The following CORO2B variants were observed in gnomAD, a reference collection of about 807,000 sequenced individuals.
The protein encoded by CORO2B is coronin-2B.
CORO2B carries 26 observed loss-of-function variants against 58.8 expected under a neutral mutation model. The observed-to-expected ratio is 0.44, with a 90% CI of 0.32 to 0.61. CORO2B has a LOEUF of 0.61. Among genes scored for constraint, CORO2B ranks in the 20% least tolerant of loss-of-function variants. The pLI, the probability that CORO2B is intolerant of heterozygous loss-of-function variation, is 0.04. For synonymous variants in CORO2B, 242 were observed against 253.8 expected (o/e 0.95, Z 0.44); for missense variants, 460 against 645.1 (o/e 0.71, Z 3.11).
intron 2 of CORO2B, among the ~76,000 whole-genome samples, chr15:68,694,095 C>G (rs1173481437): frequency 6.6e-6 from 1 of 152,160 alleles, no homozygotes; most frequent in Non-Finnish European, 1.5e-5. Context: ...CTTGGCCTCC[C>G]AAAGTGCTGG....
chr15:68,597,626 TC>T (rs1461970241), intron 1 of CORO2B, among the ~76,000 whole-genome samples: 1 of 122,646 alleles, frequency 8.2e-6, no homozygotes, highest in African/African-American at 3.5e-5. Flanking sequence ...TTCCCCCCCA[TC>T]AAAAAAAAAA....
intron 1 of CORO2B, among the ~76,000 whole-genome samples, chr15:68,586,984 T>G (rs1899575729): frequency 1.3e-5 from 2 of 151,878 alleles, no homozygotes; most frequent in Non-Finnish European, 2.9e-5. Context: ...TTTTTGTTCT[T>G]TAAATCTTTC....
At chr15:68,542,237 TAATC>T in the CORO2B span, among the ~76,000 whole-genome samples, 1 of 152,350 alleles carries the variant, frequency 6.6e-6, no homozygotes, top group African/African-American at 2.4e-5. Context: ...GACCCATCCT[TAATC>T]AATTTCTGAA....
intron 1 of CORO2B, among the ~76,000 whole-genome samples, chr15:68,607,202 T>A (rs184250446): frequency 6.6e-6 from 1 of 152,236 alleles, no homozygotes; most frequent in Admixed American, 6.5e-5. Context: ...TAGGGTGACA[T>A]CTGAGAATCA....
chr15:68,651,651 G>T (rs528810349), intron 2 of CORO2B, among the ~76,000 whole-genome samples: 1 of 152,134 alleles, frequency 6.6e-6, no homozygotes, highest in Non-Finnish European at 1.5e-5. Context: ...ACAGCAGGCC[G>T]CAGAGAATTG....
the CORO2B span, among the ~76,000 whole-genome samples, chr15:68,559,382 A>G: frequency 8.6e-5 from 13 of 151,708 alleles, no homozygotes; most frequent in Non-Finnish European, 1.8e-4. The surrounding 1 kb of genome is among the most constrained non-coding windows in gnomAD (Gnocchi z 4.3). Context: ...CCATTTTAGA[A>G]GTTCTGGTCA....
rs541358190 is a variant in CORO2B at position 68,662,034 on chromosome 15, T to A, written c.216+16674T>A. Among the ~76,000 whole-genome samples the A allele has an allele frequency of 1.3e-3, 198 of 147,848 alleles. No individual in the cohort carries two copies. In the Middle Eastern group the frequency reaches 0.014, roughly 10 times the overall value. ...TAAATAAATAAATAAATAAATTAAT[T>A]AATTAATAAAAATCTGTTTAGGCAG... On this transcript the variant is annotated intron_variant, in intron 2 of 11. Coordinates refer to ENST00000261861, the MANE Select transcript of CORO2B (RefSeq NM_006091.5).
Position 68,718,731 on chromosome 15 carries a change from C to G in CORO2B, c.1001C>G (p.Ala334Gly). 2 of 1,614,172 alleles carry G rather than the reference C, an allele frequency of 1.2e-6. No individual in the cohort carries two copies. Among genetic ancestry groups the G allele is most frequent in the Non-Finnish European group, 1.7e-6 (2 of 1,180,026 alleles). ...VMPKHGLDVSACEVFRFYKLV... is the reference protein window; with the variant it reads ...VMPKHGLDVSGCEVFRFYKLV... ...CCCAAGCACGGGCTGGATGTGTCAG[C>G]CTGCGAGGTGTTCCGCTTCTACAAG... The change falls in exon 9 of 12, where the codon GCC becomes GGC. Residue 334 changes from alanine to glycine, a missense_variant. Ala to Gly is a moderately conservative substitution (Grantham distance 60). Around this residue, in one of 2 missense-constraint regions of CORO2B, gnomAD observed 352 missense variants for 543.0 expected, o/e 0.65. Coordinates refer to ENST00000261861, the MANE Select transcript of CORO2B (RefSeq NM_006091.5).
Position 68,710,784 on chromosome 15 carries a change from C to T in CORO2B, c.386C>T (p.Ala129Val), listed in dbSNP as rs1457356153. ...GGGCTGAAGCGGAACATGACGGAGGCGCTCCTGGAGCTGCACGGGCACAGC... is the reference window on the plus strand; with the variant it reads ...GGGCTGAAGCGGAACATGACGGAGGTGCTCCTGGAGCTGCACGGGCACAGC... ...EGGLKRNMTEALLELHGHSRR... is the reference protein window; with the variant it reads ...EGGLKRNMTEVLLELHGHSRR... Residue 129 changes from alanine (A) to valine (V), a missense_variant, in exon 4 of 12, where the codon GCG becomes GTG. Coordinates refer to ENST00000261861, the MANE Select transcript of CORO2B (RefSeq NM_006091.5). This position sits in a 1 kb window ranked among gnomAD's most constrained non-coding sequence, Gnocchi z 4.1. The T allele has an allele frequency of 2.5e-6, 4 of 1,612,224 alleles. No homozygotes were observed. Among genetic ancestry groups the T allele is most frequent in the Non-Finnish European group, 2.5e-6 (3 of 1,179,272 alleles).
intron 1 of CORO2B, among the ~76,000 whole-genome samples, chr15:68,603,336 C>T (rs1263820896): frequency 6.6e-6 from 1 of 152,090 alleles, no homozygotes; most frequent in African/African-American, 2.4e-5. Context: ...CGAAAGTTGG[C>T]CTGTAACCTC....
intron 2 of CORO2B, among the ~76,000 whole-genome samples, chr15:68,660,895 A>G (rs1273391028): frequency 6.6e-6 from 1 of 151,816 alleles, no homozygotes; most frequent in Admixed American, 6.6e-5. Flanking sequence ...CCAGATTTTC[A>G]TGTTGTTCTC....
intron 1 of CORO2B, among the ~76,000 whole-genome samples, chr15:68,584,281 C>T (rs1444946244): frequency 2.0e-5 from 3 of 152,204 alleles, no homozygotes; most frequent in African/African-American, 4.8e-5. Flanking sequence ...TCCAGAAAAG[C>T]GCTGTCAGGT....
the CORO2B span, among the ~76,000 whole-genome samples, chr15:68,550,875 G>A: frequency 1.3e-5 from 2 of 152,186 alleles, no homozygotes; most frequent in Non-Finnish European, 2.9e-5. Context: ...CCATGAGAGA[G>A]CCAGGACTCG....
chr15:68,697,102 CATGGATGG>C (rs917237379), intron 3 of CORO2B, among the ~76,000 whole-genome samples: 8 of 151,742 alleles, frequency 5.3e-5, no homozygotes, highest in Admixed American at 6.6e-5. Context: ...TCGATGGATG[CATGGATGG>C]ATGGATGGAT....
chr15:68,663,701 A>T (rs1358033090), intron 2 of CORO2B, among the ~76,000 whole-genome samples: 1 of 152,214 alleles, frequency 6.6e-6, no homozygotes, highest in Non-Finnish European at 1.5e-5. Flanking sequence ...TAGTATTCAT[A>T]ATATGTGACT....
chr15:68,691,327 C>CAAAAAAAAAAAA lies in CORO2B; in HGVS notation c.217-3808_217-3797dup, dbSNP rs1192260415. Among the ~76,000 whole-genome samples, 8 of 9,542 alleles carry CAAAAAAAAAAAA rather than the reference C, an allele frequency of 8.4e-4. 1 individual carries two copies. The highest frequency in any genetic ancestry group is 1.6e-3 in the Non-Finnish European group (5 of 3,140). 6.3% of individuals were successfully genotyped at this position (9,542 alleles called of 152,430 possible). A position where few individuals can be genotyped will look rare whatever the true frequency, so the allele number is the denominator to read the frequency against. On this transcript the variant is annotated intron_variant, in intron 2 of 11. Transcript: ENST00000261861. The stretch of plus-strand genomic sequence containing the variant: ...CCTGGGAGACAGCGAGACTCCGTCT[C>CAAAAAAAAAAAA]AAAAAAAAAAAAAAAAGGCCGGGCG...
chr15:68,552,442 AG>A, the CORO2B span, among the ~76,000 whole-genome samples: 1 of 88,270 alleles, frequency 1.1e-5, no homozygotes, highest in African/African-American at 4.6e-5. Context: ...AAAACTCCCA[AG>A]GGGCAGCCAT....
At chr15:68,643,840 C>T (rs1901334969) in intron 1 of CORO2B, among the ~76,000 whole-genome samples, 1 of 152,126 alleles carries the variant, frequency 6.6e-6, no homozygotes, top group African/African-American at 2.4e-5. Flanking sequence ...GAGTTCAAGA[C>T]CAGCCTGGCC....
intron 2 of CORO2B, among the ~76,000 whole-genome samples, chr15:68,653,540 A>G (rs8027077): frequency 6.6e-6 from 1 of 152,126 alleles, no homozygotes; most frequent in East Asian, 1.9e-4. Flanking sequence ...ATGCAGCACC[A>G]TACAGGGGCT....
Sources: gnomAD v4.1 joint callset for allele counts (sites outside exome capture counted in the v4.1 genomes callset) on GRCh38, gnomAD v4.1.1 for gene constraint, gnomAD v4.1.1 regional missense constraint, Gnocchi (gnomAD v3.1) non-coding constraint, MANE v1.5 for transcripts, NCBI Gene and HGNC (gene_info 2026-07-23, HGNC 2026-07-21) for gene names.